Variants in HECW1 observed in about 807,000 individuals in gnomAD.
The protein encoded by HECW1 is HECT, C2 and WW domain containing E3 ubiquitin protein ligase 1.
In HECW1, 61 loss-of-function variants were observed where a neutral mutation model predicts 182.3. The observed-to-expected ratio is 0.33, with a 90% confidence interval of 0.27 to 0.41. The LOEUF is 0.41. Ranked by LOEUF, HECW1 falls within the 10% of genes least tolerant of loss-of-function variation. The pLI, the probability that HECW1 is intolerant of heterozygous loss-of-function variation, is 1.00. For missense variants in HECW1, 1,739 were observed against 2,108.9 expected, an observed-to-expected ratio of 0.82 and a Z score of 3.44; for synonymous variants, 859 against 832.6, an observed-to-expected ratio of 1.03 and a Z score of -0.55.
chr7:43,336,018 T>TTCTTTCTTTTTCTTTCTTTCTCTCTCCC (rs1562852989), intron 5 of HECW1, among the ~76,000 whole-genome samples: 1 of 111,176 alleles, frequency 9.0e-6, no homozygotes, highest in Non-Finnish European at 1.7e-5. Flanking sequence ...CTCTTTCTCT[T>TTCTTTCTTTTTCTTTCTTTCTCTCTCCC]TCTTTCTTTT....
intron 17 of HECW1, among the ~76,000 whole-genome samples, chr7:43,490,646 A>G (rs1434641703): frequency 6.6e-6 from 1 of 152,230 alleles, no homozygotes; most frequent in African/African-American, 2.4e-5. Context: ...GTCCATTATC[A>G]TGCTCTAGAA....
chr7:43,150,982 C>T, intron 2 of HECW1: 1 of 155,112 alleles, frequency 6.4e-6, no homozygotes, highest in Non-Finnish European at 1.5e-5. Context: ...CCACGGCTGG[C>T]TCCTACCTGG....
At chr7:43,152,104 C>T (rs1217090200) in intron 2 of HECW1, among the ~76,000 whole-genome samples, 5 of 152,136 alleles carry the variant, frequency 3.3e-5, no homozygotes, top group Non-Finnish European at 5.9e-5. Context: ...AACCTGGATT[C>T]CTTTGTGTAG....
At chr7:43,522,980 T>G (rs947094602) in intron 24 of HECW1, 2 of 430,944 alleles carry the variant, frequency 4.6e-6, no homozygotes, top group Non-Finnish European at 9.2e-6. Flanking sequence ...TGTGTTCTCT[T>G]TCCAAAGGTA....
chr7:43,270,734 C>G (rs1690606449), intron 3 of HECW1, among the ~76,000 whole-genome samples: 1 of 152,102 alleles, frequency 6.6e-6, no homozygotes, highest in African/African-American at 2.4e-5. Flanking sequence ...AAAAATTGCA[C>G]TGATTCAACT....
At chr7:43,349,475 T>G (rs1184851460) in intron 5 of HECW1, among the ~76,000 whole-genome samples, 1 of 152,228 alleles carries the variant, frequency 6.6e-6, no homozygotes, top group East Asian at 1.9e-4. Flanking sequence ...CCCACTACTA[T>G]TATGTTGCTG....
At chr7:43,500,830 C>A in intron 20 of HECW1, 48 bp downstream of exon 20, 1 of 1,476,720 alleles carries the variant, frequency 6.8e-7, no homozygotes, top group Non-Finnish European at 9.5e-7. Context: ...CCCTGGGCAG[C>A]TCTCCTCCAT....
chr7:43,178,865 A>G (rs1417800336), intron 2 of HECW1, among the ~76,000 whole-genome samples: 1 of 152,240 alleles, frequency 6.6e-6, no homozygotes, highest in Non-Finnish European at 1.5e-5. Flanking sequence ...TCTTTAAATT[A>G]AGGATGGCTT....
At position 43,159,105 on chromosome 7, in the gene HECW1, G is replaced by GTTTATTTA. The variant is rs141662347; in HGVS notation, c.-32+44738_-32+44745dup. Among the ~76,000 whole-genome samples, 768 of 150,772 alleles carry GTTTATTTA rather than the reference G, an allele frequency of 5.1e-3. 3 individuals are homozygous for GTTTATTTA. Among genetic ancestry groups the GTTTATTTA allele is most frequent in the African/African-American group, 0.014 (572 of 40,656 alleles). On this transcript the variant is annotated intron_variant, in intron 2 of 29. Transcript: ENST00000395891. ...TTCACGCCATTGCATGAATCTGACA[G>GTTTATTTA]TTTATTTATTTATTTATTTATTTAT...
chr7:43,369,557 C>T (rs1342167137), intron 6 of HECW1, among the ~76,000 whole-genome samples: 3 of 152,156 alleles, frequency 2.0e-5, no homozygotes, highest in Non-Finnish European at 4.4e-5. Context: ...TAATCTTTGG[C>T]AGCACTATGA....
intron 2 of HECW1, among the ~76,000 whole-genome samples, chr7:43,151,209 G>A (rs547721072): frequency 1.3e-5 from 2 of 152,252 alleles, no homozygotes; most frequent in East Asian, 3.9e-4. Context: ...GGGTGCAGCT[G>A]GCTACACCTT....
At chr7:43,385,190 TCC>T in intron 6 of HECW1, among the ~76,000 whole-genome samples, 1 of 108,212 alleles carries the variant, frequency 9.2e-6, no homozygotes, top group Non-Finnish European at 1.9e-5. Flanking sequence ...CTTGGCAGTC[TCC>T]CCTCTCCCCT....
At chr7:43,199,066 A>G (rs1417448506) in intron 2 of HECW1, among the ~76,000 whole-genome samples, 1 of 152,106 alleles carries the variant, frequency 6.6e-6, no homozygotes, top group Non-Finnish European at 1.5e-5. Flanking sequence ...TCCTGCCTCC[A>G]CACGGAGAAC....
At chr7:43,422,208 C>G (rs923909506) in intron 8 of HECW1, among the ~76,000 whole-genome samples, 5 of 152,130 alleles carry the variant, frequency 3.3e-5, no homozygotes, top group Non-Finnish European at 7.3e-5. Flanking sequence ...CAAAACATTA[C>G]CAAACAATTT....
At chr7:43,557,792 T>A (rs919620977) in intron 29 of HECW1, among the ~76,000 whole-genome samples, 1 of 152,206 alleles carries the variant, frequency 6.6e-6, no homozygotes, top group Non-Finnish European at 1.5e-5. Context: ...CATGTACTCA[T>A]TTGCACATAT....
intron 6 of HECW1, among the ~76,000 whole-genome samples, chr7:43,376,667 T>C (rs2074339574): frequency 6.6e-6 from 1 of 152,022 alleles, no homozygotes; most frequent in Admixed American, 6.6e-5. Flanking sequence ...GAGTTCGAGA[T>C]CAGCCTGGCT....
rs560074837 is a variant in HECW1 at position 43,355,027 on chromosome 7, A to C, written c.461-5859A>C. Among the ~76,000 whole-genome samples the C allele has an allele frequency of 5.3e-3, 630 of 118,476 alleles. 4 individuals carry two copies. The highest frequency in any genetic ancestry group is 0.021 in the African/African-American group (594 of 27,834). The allele number at this position is 118,476 out of a possible 152,430, so 77.7% of individuals were successfully genotyped here. On this transcript the variant is annotated intron_variant, in intron 5 of 29. Transcript: ENST00000395891. ...TGAGATGACATGTTCCAAGTGCTGA[A>C]AGGAAAAAAAAAAAAACTGCCTCCC... is the stretch of plus-strand genomic sequence containing the variant.
intron 5 of HECW1, among the ~76,000 whole-genome samples, chr7:43,329,493 C>T (rs546446032): frequency 6.6e-6 from 1 of 151,528 alleles, no homozygotes; most frequent in Non-Finnish European, 1.5e-5. Context: ...ATGGAAGGGG[C>T]TGATTCAGAA....
intron 3 of HECW1, among the ~76,000 whole-genome samples, chr7:43,260,479 T>G (rs943645054): frequency 6.6e-6 from 1 of 152,226 alleles, no homozygotes; most frequent in Non-Finnish European, 1.5e-5. Flanking sequence ...TTGTTTTCAT[T>G]CTAAGAAAAA....
Sources: allele counts gnomAD v4.1 joint callset (sites outside exome capture counted in the v4.1 genomes callset), GRCh38; gene constraint gnomAD v4.1.1; transcripts MANE v1.5; gene names NCBI Gene and HGNC (gene_info 2026-07-23, HGNC 2026-07-21).